Variants in GRIK4 observed in about 807,000 individuals in gnomAD.
GRIK4 encodes the protein glutamate receptor ionotropic, kainate 4.
Under a neutral mutation model 104.9 loss-of-function variants are expected in GRIK4, and 40 were observed. The ratio of observed to expected loss-of-function variants is 0.38; its 90% confidence interval spans 0.30 to 0.50. The LOEUF (loss-of-function observed/expected upper bound fraction) is 0.50, where lower values mean the gene tolerates loss of function less well. GRIK4 is among the 20% of genes least tolerant of loss of function. The pLI is 0.93. For synonymous variants in GRIK4, 485 were observed against 524.9 expected, an observed-to-expected ratio of 0.92 and a Z score of 1.04; for missense variants, 1,047 against 1,308.1, an observed-to-expected ratio of 0.80 and a Z score of 3.08.
intron 1 of GRIK4, among the ~76,000 whole-genome samples, chr11:120,593,159 G>A (rs539886493): frequency 4.2e-5 from 6 of 142,828 alleles, no homozygotes; most frequent in African/African-American, 1.3e-4. Context: ...TCCAGCTGGG[G>A]CAACAGAGCC....
At chr11:120,692,170 TG>T (rs1950376161) in intron 3 of GRIK4, among the ~76,000 whole-genome samples, 1 of 152,208 alleles carries the variant, frequency 6.6e-6, no homozygotes, top group Admixed American at 6.5e-5. Flanking sequence ...GGCACTTGCT[TG>T]GGGGTAGGAA....
intron 1 of GRIK4, among the ~76,000 whole-genome samples, chr11:120,592,167 G>T (rs921610242): frequency 6.6e-6 from 1 of 152,182 alleles, no homozygotes; most frequent in Admixed American, 6.5e-5. Context: ...GTGTTTTACA[G>T]GTCATTAAGT....
intron 11 of GRIK4, among the ~76,000 whole-genome samples, chr11:120,875,797 C>G (rs1457772510): frequency 1.3e-5 from 2 of 152,160 alleles, no homozygotes; most frequent in Non-Finnish European, 2.9e-5. Context: ...CTCCTTTGCT[C>G]ATTCTCCGCC....
intron 1 of GRIK4, among the ~76,000 whole-genome samples, chr11:120,621,033 C>T (rs116313101): frequency 0.01 from 1,550 of 152,314 alleles, 34 homozygotes; most frequent in African/African-American, 0.034. Context: ...ATATCCTCAG[C>T]CATTATTTAA....
At chr11:120,841,649 G>A (rs1475775697) in intron 8 of GRIK4, among the ~76,000 whole-genome samples, 2 of 152,116 alleles carry the variant, frequency 1.3e-5, no homozygotes, top group Non-Finnish European at 1.5e-5. Context: ...GAATTGCTGG[G>A]TCATGTGGTA....
intron 13 of GRIK4, among the ~76,000 whole-genome samples, chr11:120,910,600 T>C (rs1340942818): frequency 6.6e-6 from 1 of 152,208 alleles, no homozygotes; most frequent in East Asian, 1.9e-4. Flanking sequence ...CTGGAGTAGC[T>C]TGAAGAAGCA....
chr11:120,614,348 C>T (rs938120593), intron 1 of GRIK4, among the ~76,000 whole-genome samples: 1 of 152,214 alleles, frequency 6.6e-6, no homozygotes, highest in Non-Finnish European at 1.5e-5. Context: ...ACCCGGGGCC[C>T]AATCCCACTG....
chr11:120,790,305 A>G (rs944068390), intron 3 of GRIK4, among the ~76,000 whole-genome samples: 14 of 152,204 alleles, frequency 9.2e-5, no homozygotes, highest in Admixed American at 7.8e-4. Context: ...TGCCTTACCC[A>G]TGTCAATTAG....
intron 1 of GRIK4, among the ~76,000 whole-genome samples, chr11:120,544,279 A>G (rs1434908908): frequency 3.3e-5 from 5 of 152,156 alleles, no homozygotes; most frequent in African/African-American, 7.2e-5. Flanking sequence ...TTAAATATGT[A>G]TGGTCTTTTA....
At chr11:120,732,751 C>T (rs1027014776) in intron 3 of GRIK4, among the ~76,000 whole-genome samples, 20 of 152,210 alleles carry the variant, frequency 1.3e-4, no homozygotes, top group Admixed American at 4.6e-4. Flanking sequence ...TGTTTTGTGA[C>T]GTAGCATATG....
rs144821938 is a variant in GRIK4 at position 120,536,243 on chromosome 11, A to C, written c.-159+24356A>C. 9.9e-3 allele frequency among the ~76,000 whole-genome samples: 1,506 copies of C among 152,358 alleles called. 16 individuals carry two copies. Among genetic ancestry groups the C allele is most frequent in the African/African-American group, 0.034 (1,432 of 41,576 alleles). On this transcript the variant is annotated intron_variant, in intron 1 of 20. Transcript: ENST00000527524. ...GAGTGTATGAAGCAGATGGTCCTGC[A>C]GCTCTGAGAACACAAAAGAGGAGCT...
rs912586665 is a variant in GRIK4 at position 120,524,566 on chromosome 11, G to A, written c.-159+12679G>A. Among the ~76,000 whole-genome samples, 7 of 152,106 alleles carry A rather than the reference G, an allele frequency of 4.6e-5. No homozygotes were observed. The highest frequency in any genetic ancestry group is 1.7e-4 in the African/African-American group (7 of 41,412). Reference sequence around the variant, plus strand: ...GCTCCAGGCACTTTACCCCCTCCTCGAACCCAGATGAGCCTGGCATCAATG... The same window carrying A: ...GCTCCAGGCACTTTACCCCCTCCTCAAACCCAGATGAGCCTGGCATCAATG... On this transcript the variant is annotated intron_variant, in intron 1 of 20. Coordinates refer to ENST00000527524, the MANE Select transcript of GRIK4 (RefSeq NM_014619.5). This position sits in a 1 kb window ranked among gnomAD's most constrained non-coding sequence, Gnocchi z 4.5.
chr11:120,757,591 CAG>C (rs1222090050), intron 3 of GRIK4, among the ~76,000 whole-genome samples: 1 of 152,206 alleles, frequency 6.6e-6, no homozygotes, highest in African/African-American at 2.4e-5. Context: ...CTGGGTCTGG[CAG>C]AAGGCAGTGA....
intron 15 of GRIK4, among the ~76,000 whole-genome samples, chr11:120,955,284 C>G (rs140482859): frequency 1.3e-5 from 2 of 152,300 alleles, no homozygotes; most frequent in African/African-American, 2.4e-5. Flanking sequence ...GGGACCCACA[C>G]AGAGGGACAG....
intron 19 of GRIK4, among the ~76,000 whole-genome samples, chr11:120,973,780 C>T (rs1016787791): frequency 2.5e-4 from 38 of 152,182 alleles, no homozygotes; most frequent in African/African-American, 7.5e-4. Context: ...AGCACTAGCC[C>T]GAAACGGGAG....
chr11:120,768,264 ACCT>A (rs1951873588), intron 3 of GRIK4, among the ~76,000 whole-genome samples: 7 of 151,792 alleles, frequency 4.6e-5, no homozygotes, highest in Admixed American at 4.6e-4. Context: ...AAAATTTTTC[ACCT>A]CCTTGATTAC....
In GRIK4 at chr11:120,802,875, G is replaced by C. The variant is rs758740255; in HGVS notation, c.247+18G>C. On this transcript the variant is annotated intron_variant, in intron 4 of 20. Coordinates refer to ENST00000527524, the MANE Select transcript of GRIK4 (RefSeq NM_014619.5). ...AGAAACCAGTACGTAGACTGGGCAG[G>C]GCTGCCTCTTCCCTTGCTGGCAGAG... 1 of 1,610,756 alleles carries C rather than the reference G, an allele frequency of 6.2e-7. No individual in the cohort carries two copies.
At chr11:120,579,230 C>T (rs1948530744) in intron 1 of GRIK4, among the ~76,000 whole-genome samples, 1 of 151,982 alleles carries the variant, frequency 6.6e-6, no homozygotes. Context: ...AAATAACCCC[C>T]CCCCCTTTTT....
At chr11:120,706,682 G>C (rs1359133425) in intron 3 of GRIK4, among the ~76,000 whole-genome samples, 1 of 152,186 alleles carries the variant, frequency 6.6e-6, no homozygotes, top group Non-Finnish European at 1.5e-5. Context: ...AAGACATATA[G>C]GTAGTCTGCT....
Sources: allele counts gnomAD v4.1 joint callset (sites outside exome capture counted in the v4.1 genomes callset), GRCh38; gene constraint gnomAD v4.1.1; non-coding constraint Gnocchi (gnomAD v3.1); transcripts MANE v1.5; gene names NCBI Gene and HGNC (gene_info 2026-07-23, HGNC 2026-07-21).